The following ANXA3 variants were observed in gnomAD, a reference collection of about 807,000 sequenced individuals.
ANXA3 encodes 35-alpha calcimedin.
A neutral mutation model predicts 48.8 loss-of-function variants in ANXA3; 46 were observed. The ratio of observed to expected loss-of-function variants is 0.94; its 90% CI spans 0.74 to 1.21. The LOEUF is 1.21. Ranked by LOEUF, ANXA3 falls within the 50% of genes most tolerant of loss-of-function variation. The pLI, the probability that ANXA3 is intolerant of heterozygous loss-of-function variation, is 0.00. For synonymous variants in ANXA3, 128 were observed against 134.7 expected, an observed-to-expected ratio of 0.95 and a Z score of 0.35; for missense variants, 383 against 378.6, an observed-to-expected ratio of 1.01 and a Z score of -0.10.
intron 7 of ANXA3, 66 bp from the exon 8 acceptor site, chr4:78,595,315 T>C: frequency 6.5e-7 from 1 of 1,546,798 alleles, no homozygotes; most frequent in Non-Finnish European, 8.9e-7. Context: ...CCCTGCTGGT[T>C]GAAGTACTAT....
intron 5 of ANXA3, among the ~76,000 whole-genome samples, chr4:78,583,550 G>A (rs545334183): frequency 6.6e-6 from 1 of 151,624 alleles, no homozygotes; most frequent in African/African-American, 2.4e-5. Context: ...CTTAAGCCCA[G>A]CAGGTCTAGG....
Position 78,604,188 on chromosome 4 carries a change from C to A in ANXA3, c.790-89C>A. The A allele has an allele frequency of 3.3e-6, 4 of 1,203,478 alleles. 1 individual carries two copies. Among genetic ancestry groups the A allele is most frequent in the South Asian group, 4.4e-5 (2 of 45,862 alleles). 74.5% of individuals were successfully genotyped at this position (1,203,478 alleles called of 1,614,324 possible). A position where few individuals can be genotyped will look rare whatever the true frequency, so the allele number is the denominator to read the frequency against. On this transcript the variant is annotated intron_variant, in intron 11 of 12. Coordinates refer to ENST00000264908, the MANE Select transcript of ANXA3 (RefSeq NM_005139.3). ...AATCACTATAGTTGAATATTTTGCACACCATTATCTGATTCTTATAAATAT... is the reference window on the plus strand; with the variant it reads ...AATCACTATAGTTGAATATTTTGCAAACCATTATCTGATTCTTATAAATAT...
At chr4:78,568,065 A>G (rs1234047679) in intron 2 of ANXA3, among the ~76,000 whole-genome samples, 1 of 150,980 alleles carries the variant, frequency 6.6e-6, no homozygotes, top group African/African-American at 2.5e-5. Flanking sequence ...TGCCACTGTG[A>G]CCTCATCTTA....
intron 3 of ANXA3, among the ~76,000 whole-genome samples, chr4:78,574,622 C>T (rs1486059410): frequency 6.6e-6 from 1 of 152,172 alleles, no homozygotes; most frequent in African/African-American, 2.4e-5. Flanking sequence ...ATACTGTATA[C>T]ATTCTTCTGC....
At chr4:78,597,705 T>A (rs1362724040) in intron 10 of ANXA3, among the ~76,000 whole-genome samples, 2 of 152,000 alleles carry the variant, frequency 1.3e-5, no homozygotes, top group African/African-American at 4.8e-5. Flanking sequence ...CTCAACCTCC[T>A]GGGCTCAAGC....
At chr4:78,586,770 A>G (rs1443909005) in intron 6 of ANXA3, among the ~76,000 whole-genome samples, 1 of 152,258 alleles carries the variant, frequency 6.6e-6, no homozygotes, top group African/African-American at 2.4e-5. Context: ...ATTCAATAGA[A>G]GTAGCTAAAG....
At chr4:78,564,121 G>A (rs918878381) in intron 2 of ANXA3, among the ~76,000 whole-genome samples, 4 of 152,202 alleles carry the variant, frequency 2.6e-5, no homozygotes, top group Admixed American at 2.6e-4. Context: ...TGAGAAAGAT[G>A]TTCATGTTAA....
intron 3 of ANXA3, among the ~76,000 whole-genome samples, chr4:78,577,746 T>G (rs918581251): frequency 7.9e-5 from 12 of 152,116 alleles, no homozygotes; most frequent in African/African-American, 2.7e-4. Context: ...GAGTTCCAGG[T>G]GCTCTTTTAT....
At chr4:78,580,888 A>T (rs28372309) in intron 4 of ANXA3, among the ~76,000 whole-genome samples, 7,016 of 152,322 alleles carry the variant, frequency 0.046, 491 homozygotes, top group African/African-American at 0.15. Flanking sequence ...GCCTAGCTTC[A>T]GGGCAAGACA....
chr4:78,595,661 T>C, intron 8 of ANXA3, 133 bp from the exon 9 acceptor site: 1 of 757,878 alleles, frequency 1.3e-6, no homozygotes, highest in South Asian at 1.8e-5. Flanking sequence ...ATTTTTGATT[T>C]CTAGTCTTCT....
chr4:78,575,999 G>A (rs796444863), intron 3 of ANXA3, among the ~76,000 whole-genome samples: 22 of 152,056 alleles, frequency 1.4e-4, no homozygotes, highest in South Asian at 6.2e-4. Flanking sequence ...TGATTTGTAC[G>A]TAATATCACC....
In ANXA3 at chr4:78,582,275, AAAG is replaced by A; in HGVS notation, c.300_302del (p.Lys101del). 6.2e-7 allele frequency: 1 copy of A among 1,612,110 alleles called. No homozygotes were observed. The highest frequency in any genetic ancestry group is 8.5e-7 in the Non-Finnish European group (1 of 1,178,306). Reference sequence around the variant, plus strand: ...CAGCAGTCTTTGATGCAAAGCAGCTAAAGAAATCCATGAAGGTATGAGCCCCCC... The same window carrying A: ...CAGCAGTCTTTGATGCAAAGCAGCTAAAATCCATGAAGGTATGAGCCCCCC... On this transcript the variant is annotated inframe_deletion, in exon 5 of 13. Coordinates refer to ENST00000264908, the MANE Select transcript of ANXA3 (RefSeq NM_005139.3).
chr4:78,551,874 C>G lies in ANXA3; in HGVS notation c.-39+15C>G, dbSNP rs1029321844. ...CCGCGCTTTGGGTAAGTTCAGCCTC[C>G]CGGCGCGTCCCCGCGAGCCTCGCCC... On this transcript the variant is annotated intron_variant, in intron 1 of 12. Coordinates refer to ENST00000264908, the MANE Select transcript of ANXA3 (RefSeq NM_005139.3). The G allele has an allele frequency of 6.6e-6, 1 of 152,314 alleles. No homozygotes were observed. The highest frequency in any genetic ancestry group is 2.4e-5 in the African/African-American group (1 of 41,462). 9.4% of individuals were successfully genotyped at this position (152,314 alleles called of 1,614,324 possible).
chr4:78,558,580 G>A (rs1367756481), intron 2 of ANXA3, among the ~76,000 whole-genome samples: 1 of 152,198 alleles, frequency 6.6e-6, no homozygotes, highest in Non-Finnish European at 1.5e-5. Context: ...CAATTTCAAT[G>A]CATTACCATT....
intron 2 of ANXA3, among the ~76,000 whole-genome samples, chr4:78,557,316 C>A (rs985521277): frequency 3.3e-5 from 5 of 152,150 alleles, no homozygotes; most frequent in African/African-American, 9.7e-5. Flanking sequence ...TCTCTTCTCC[C>A]TCCAGCTGAA....
rs1387519689 is a variant in ANXA3 at position 78,564,913 on chromosome 4, T to C, written c.16-8267T>C. Among the ~76,000 whole-genome samples, 3 of 151,870 alleles carry C rather than the reference T, an allele frequency of 2.0e-5. No individual in the cohort carries two copies. The East Asian group carries it at 5.8e-4, about 29-fold the overall frequency. ...TCATGAAGGTGGTTGGGCCAAACCATGCAGGGCCCTATGGACCAGTGTAAG... is the reference window on the plus strand; with the variant it reads ...TCATGAAGGTGGTTGGGCCAAACCACGCAGGGCCCTATGGACCAGTGTAAG... On this transcript the variant is annotated intron_variant, in intron 2 of 12. Transcript: ENST00000264908.
At chr4:78,608,481 G>T (rs1723696610) in intron 12 of ANXA3, among the ~76,000 whole-genome samples, 1 of 152,140 alleles carries the variant, frequency 6.6e-6, no homozygotes, top group African/African-American at 2.4e-5. Flanking sequence ...GGAAGCCATT[G>T]AAGAGTTCTG....
intron 2 of ANXA3, among the ~76,000 whole-genome samples, chr4:78,572,159 A>G (rs756931583): frequency 6.6e-6 from 1 of 152,252 alleles, no homozygotes; most frequent in Non-Finnish European, 1.5e-5. Context: ...TGCAAATGCT[A>G]CTTTAAAACA....
chr4:78,579,525 C>A (rs1305332304), intron 4 of ANXA3, among the ~76,000 whole-genome samples: 1 of 152,198 alleles, frequency 6.6e-6, no homozygotes, highest in Non-Finnish European at 1.5e-5. Flanking sequence ...CAAGGCAGCC[C>A]TCCACAACAA....
Sources: allele counts gnomAD v4.1 joint callset (sites outside exome capture counted in the v4.1 genomes callset), GRCh38; gene constraint gnomAD v4.1.1; transcripts MANE v1.5; gene names NCBI Gene and HGNC (gene_info 2026-07-23, HGNC 2026-07-21).